Variants in CNTLN observed in about 807,000 individuals in gnomAD.
CNTLN encodes the protein centlein, centrosomal protein.
In CNTLN, 212 loss-of-function variants were observed where a neutral mutation model predicts 180.0. That is an observed-to-expected ratio of 1.18 (90% CI 1.05 to 1.32). The LOEUF (loss-of-function observed/expected upper bound fraction) is 1.32. Among genes scored for constraint, CNTLN ranks in the 40% most tolerant of loss-of-function variants. CNTLN has a pLI of 0.00. For missense variants in CNTLN, 2,095 were observed against 1,610.9 expected (o/e 1.30, Z -5.14); for synonymous variants, 722 against 563.1 (o/e 1.28, Z -3.99).
intron 2 of CNTLN, among the ~76,000 whole-genome samples, chr9:17,189,054 T>C (rs532104350): frequency 1.3e-3 from 189 of 150,758 alleles, no homozygotes; most frequent in African/African-American, 4.2e-3. Context: ...GTTAATCAAT[T>C]TGAGCTTTTT....
chr9:17,266,535 C>T (rs1827461593), intron 5 of CNTLN, among the ~76,000 whole-genome samples: 1 of 152,042 alleles, frequency 6.6e-6, no homozygotes. Flanking sequence ...GTGGAGAGTT[C>T]TGTAGATGTC....
intron 10 of CNTLN, among the ~76,000 whole-genome samples, chr9:17,337,243 T>TC (rs1304881050): frequency 1.3e-5 from 2 of 152,176 alleles, no homozygotes; most frequent in African/African-American, 4.8e-5. Context: ...CAAAAAATTT[T>TC]TTCCATTCTG....
chr9:17,500,779 CGTGT>C (rs1833707029), intron 25 of CNTLN, among the ~76,000 whole-genome samples: 1 of 63,378 alleles, frequency 1.6e-5, no homozygotes, highest in Admixed American at 1.4e-4. Context: ...GATAGGAATG[CGTGT>C]AGTACTGCGT....
intron 2 of CNTLN, among the ~76,000 whole-genome samples, chr9:17,173,160 G>A (rs1587000407): frequency 6.6e-6 from 1 of 152,108 alleles, no homozygotes; most frequent in Non-Finnish European, 1.5e-5. Context: ...AACATTATGA[G>A]TATGAAGTTA....
intron 2 of CNTLN, among the ~76,000 whole-genome samples, chr9:17,186,847 C>CA (rs1821462923): frequency 6.6e-6 from 1 of 151,944 alleles, no homozygotes; most frequent in South Asian, 2.1e-4. Flanking sequence ...CTATATAATG[C>CA]TTGAGTCCTA....
intron 2 of CNTLN, among the ~76,000 whole-genome samples, chr9:17,158,783 T>C (rs1819476786): frequency 6.6e-6 from 1 of 152,140 alleles, no homozygotes; most frequent in Admixed American, 6.5e-5. Flanking sequence ...GCTAAAGGTT[T>C]GTCAATTTTG....
At position 17,435,217 on chromosome 9, in the gene CNTLN, G is replaced by T. The variant is rs531840168; in HGVS notation, c.3114+19028G>T. 1.5e-3 allele frequency among the ~76,000 whole-genome samples: 235 copies of T among 152,202 alleles called. 1 individual carries two copies. The highest frequency in any genetic ancestry group is 1.8e-3 in the Non-Finnish European group (121 of 68,010). The stretch of plus-strand genomic sequence containing the variant: ...AGAGTTCTACTAGGAATATTCAGTG[G>T]TTTTGTTTTTTGGTTGTTGTTTGTT... On this transcript the variant is annotated intron_variant, in intron 18 of 25. Transcript: ENST00000380647.
chr9:17,299,474 A>G (rs1330191912), intron 7 of CNTLN: 1 of 982,426 alleles, frequency 1.0e-6, no homozygotes, highest in Non-Finnish European at 1.2e-6. Flanking sequence ...CACTGTGAAA[A>G]TCGAATGTCT....
chr9:17,265,954 G>A (rs928438238), intron 5 of CNTLN, among the ~76,000 whole-genome samples: 63 of 151,644 alleles, frequency 4.2e-4, no homozygotes, highest in African/African-American at 1.4e-3. Context: ...TCTTGCTAGC[G>A]GTCTATCAAT....
chr9:17,215,986 C>G (rs1823724694), intron 2 of CNTLN, among the ~76,000 whole-genome samples: 1 of 152,138 alleles, frequency 6.6e-6, no homozygotes, highest in African/African-American at 2.4e-5. Flanking sequence ...AAATCCCTGA[C>G]CCCTTACACT....
At chr9:17,385,246 C>A (rs2133628249) in intron 13 of CNTLN, among the ~76,000 whole-genome samples, 1 of 152,290 alleles carries the variant, frequency 6.6e-6, no homozygotes, top group Non-Finnish European at 1.5e-5. Context: ...GGAATTTCTC[C>A]AAACTCCACA....
chr9:17,256,472 T>C (rs1198209404), intron 5 of CNTLN, among the ~76,000 whole-genome samples: 1 of 152,032 alleles, frequency 6.6e-6, no homozygotes, highest in Non-Finnish European at 1.5e-5. Context: ...TGTGAGATGG[T>C]ATCTCATTGT....
intron 3 of CNTLN, among the ~76,000 whole-genome samples, 180 bp downstream of exon 3, chr9:17,226,467 C>A (rs1455147139): frequency 6.6e-6 from 1 of 151,736 alleles, no homozygotes; most frequent in East Asian, 1.9e-4. Context: ...TTCTCTTGTA[C>A]CCTTTTGTTT....
chr9:17,224,966 C>G (rs1824371794), intron 2 of CNTLN, among the ~76,000 whole-genome samples: 1 of 151,814 alleles, frequency 6.6e-6, no homozygotes, highest in South Asian at 2.1e-4. Flanking sequence ...TCCTCTTTCT[C>G]CACCACCACG....
intron 18 of CNTLN, among the ~76,000 whole-genome samples, chr9:17,422,486 C>T (rs1050560973): frequency 6.6e-6 from 1 of 152,124 alleles, no homozygotes; most frequent in African/African-American, 2.4e-5. Flanking sequence ...ATCAAGTCTG[C>T]TGTTGAGAGA....
At chr9:17,364,498 C>G (rs1823646432) in intron 12 of CNTLN, among the ~76,000 whole-genome samples, 1 of 151,864 alleles carries the variant, frequency 6.6e-6, no homozygotes, top group Admixed American at 6.6e-5. Context: ...TCATAAACCC[C>G]TGTTCTTTTT....
intron 23 of CNTLN, among the ~76,000 whole-genome samples, chr9:17,474,112 C>T (rs959048369): frequency 6.6e-6 from 1 of 152,122 alleles, no homozygotes; most frequent in African/African-American, 2.4e-5. Context: ...TGTACCAACA[C>T]TGTAATTTAA....
intron 15 of CNTLN, among the ~76,000 whole-genome samples, chr9:17,404,957 T>G (rs1827263112): frequency 1.3e-5 from 2 of 151,570 alleles, no homozygotes; most frequent in South Asian, 2.1e-4. Context: ...AGGCTGGTCT[T>G]GAACTCCTGA....
intron 12 of CNTLN, among the ~76,000 whole-genome samples, chr9:17,345,535 G>T (rs767150953): frequency 2.8e-5 from 4 of 140,754 alleles, no homozygotes. Flanking sequence ...TTTTTGAGTA[G>T]TTTTTTTTTT....
Sources: gnomAD v4.1 joint callset for allele counts (sites outside exome capture counted in the v4.1 genomes callset) on GRCh38, gnomAD v4.1.1 for gene constraint, MANE v1.5 for transcripts, NCBI Gene and HGNC (gene_info 2026-07-23, HGNC 2026-07-21) for gene names.